Variants in CCDC34 observed in about 807,000 individuals in gnomAD.
The protein encoded by CCDC34 is coiled-coil domain containing 34.
In CCDC34, 40 loss-of-function variants were observed where a neutral mutation model predicts 44.1. That is an observed-to-expected ratio of 0.91 (90% CI 0.70 to 1.18). The LOEUF (loss-of-function observed/expected upper bound fraction) is 1.18, where lower values mean the gene tolerates loss of function less well. Among genes scored for constraint, CCDC34 ranks in the 50% most tolerant of loss-of-function variants. The pLI, the probability that CCDC34 is intolerant of heterozygous loss-of-function variation, is 0.00. For missense variants in CCDC34, 466 were observed against 452.3 expected (o/e 1.03, Z -0.28); for synonymous variants, 159 against 158.2 (o/e 1.01, Z -0.04).
intron 3 of CCDC34, among the ~76,000 whole-genome samples, chr11:27,347,113 G>A (rs1214591002): frequency 6.6e-6 from 1 of 152,096 alleles, no homozygotes; most frequent in Non-Finnish European, 1.5e-5. Context: ...ATGAAAATAC[G>A]CTAAACATCA....
intron 3 of CCDC34, chr11:27,348,878 C>G: frequency 1.0e-6 from 1 of 973,424 alleles, no homozygotes; most frequent in Non-Finnish European, 1.2e-6. Flanking sequence ...GTAAATATAA[C>G]GTCTCAGTTT....
rs545404507 is a variant in CCDC34 at position 27,352,364 on chromosome 11, C to T, written c.499-1925G>A. Among the ~76,000 whole-genome samples the T allele has an allele frequency of 2.1e-5, 3 of 145,358 alleles. No individual in the cohort carries two copies. In the East Asian group the frequency reaches 6.0e-4, roughly 29 times the overall value. On this transcript the variant is annotated intron_variant, in intron 2 of 5. Coordinates refer to ENST00000328697, the MANE Select transcript of CCDC34 (RefSeq NM_030771.2). ...TACCACTGTACTCCAGCCTGGGTGA[C>T]AAAGTGAGACTCCATCTCAAAAAAA... is the stretch of plus-strand genomic sequence containing the variant.
intron 2 of CCDC34, among the ~76,000 whole-genome samples, chr11:27,356,065 C>CTGGA (rs1862572601): frequency 8.3e-6 from 1 of 119,804 alleles, no homozygotes; most frequent in African/African-American, 3.2e-5. Flanking sequence ...GTTGGCCAGG[C>CTGGA]TGGAGTACAA....
intron 1 of CCDC34, among the ~76,000 whole-genome samples, chr11:27,358,391 G>A (rs905852297): frequency 6.6e-6 from 1 of 152,138 alleles, no homozygotes; most frequent in Non-Finnish European, 1.5e-5. Context: ...AGGACATAAG[G>A]TAGCTCTAAA....
At chr11:27,359,314 G>C (rs1862625255) in intron 1 of CCDC34, among the ~76,000 whole-genome samples, 1 of 151,904 alleles carries the variant, frequency 6.6e-6, no homozygotes, top group African/African-American at 2.4e-5. Context: ...CACTCACTAG[G>C]AACCCCTGCA....
In CCDC34 at chr11:27,341,537, CTTTCT is replaced by C; in HGVS notation, c.615_619del (p.Glu206ArgfsTer5). On this transcript the variant is annotated frameshift_variant, in exon 4 of 6. Coordinates refer to ENST00000328697, the MANE Select transcript of CCDC34 (RefSeq NM_030771.2). LOFTEE classifies it high-confidence loss of function. ...CATTTCTTTATTAATTTTTTGTTCT[CTTTCT>C]TTTCTTTTCTTAAATAAAAATAGAT... The C allele has an allele frequency of 6.9e-4, 877 of 1,266,140 alleles. No individual in the cohort carries two copies. The highest frequency in any genetic ancestry group is 8.5e-4 in the Non-Finnish European group (798 of 942,546). 78.4% of individuals were successfully genotyped at this position (1,266,140 alleles called of 1,614,324 possible).
chr11:27,349,028 AAC>A, intron 3 of CCDC34: 1 of 984,458 alleles, frequency 1.0e-6, no homozygotes, highest in Non-Finnish European at 1.2e-6. Context: ...CACTAATTAA[AAC>A]AGTGAATATA....
intron 1 of CCDC34, 68 bp downstream of exon 1, chr11:27,362,768 A>C: frequency 7.2e-6 from 11 of 1,526,082 alleles, no homozygotes; most frequent in African/African-American, 2.7e-5. Context: ...GGATGTTAGA[A>C]GGGGGTACTT....
intron 5 of CCDC34, among the ~76,000 whole-genome samples, chr11:27,340,044 C>T (rs1187054859): frequency 6.6e-6 from 1 of 151,852 alleles, no homozygotes; most frequent in Non-Finnish European, 1.5e-5. Context: ...ACACTGGCAA[C>T]CCACTTGGCA....
intron 2 of CCDC34, among the ~76,000 whole-genome samples, chr11:27,350,721 C>T (rs1862495315): frequency 6.6e-6 from 1 of 152,196 alleles, no homozygotes. Flanking sequence ...TTGAAATCAA[C>T]TTTCCCACAC....
intron 3 of CCDC34, among the ~76,000 whole-genome samples, chr11:27,342,058 G>T (rs986886109): frequency 6.6e-6 from 1 of 152,012 alleles, no homozygotes; most frequent in African/African-American, 2.4e-5. Context: ...CTTGCCTTCT[G>T]CCATGATTAT....
At chr11:27,362,016 T>C (rs1426123429) in intron 1 of CCDC34, among the ~76,000 whole-genome samples, 1 of 152,218 alleles carries the variant, frequency 6.6e-6, no homozygotes, top group Non-Finnish European at 1.5e-5. Context: ...ATGATCTGTC[T>C]ATCTTCGTAG....
chr11:27,346,885 G>A (rs1308719133), intron 3 of CCDC34, among the ~76,000 whole-genome samples: 4 of 152,160 alleles, frequency 2.6e-5, no homozygotes, highest in Non-Finnish European at 5.9e-5. Flanking sequence ...TACAAGAAGA[G>A]GAAGAGACAC....
At chr11:27,344,837 A>G (rs1256656817) in intron 3 of CCDC34, among the ~76,000 whole-genome samples, 1 of 152,118 alleles carries the variant, frequency 6.6e-6, no homozygotes, top group African/African-American at 2.4e-5. Context: ...AGGGAAATTG[A>G]TAAGATGATT....
At chr11:27,355,126 C>T (rs2133347720) in intron 2 of CCDC34, among the ~76,000 whole-genome samples, 1 of 152,246 alleles carries the variant, frequency 6.6e-6, no homozygotes, top group African/African-American at 2.4e-5. Flanking sequence ...CTTAATATAA[C>T]AAGTAACTTC....
chr11:27,340,990 T>C (rs1016728550), intron 4 of CCDC34, among the ~76,000 whole-genome samples, 153 bp from the exon 5 acceptor site: 1 of 152,130 alleles, frequency 6.6e-6, no homozygotes, highest in African/African-American at 2.4e-5. Flanking sequence ...GAGTAGAATA[T>C]TGAACATGAT....
At chr11:27,356,036 T>TTTTTTTTG (rs1862571049) in intron 2 of CCDC34, among the ~76,000 whole-genome samples, 2 of 140,492 alleles carry the variant, frequency 1.4e-5, no homozygotes, top group African/African-American at 5.5e-5. Context: ...TTTTTTTTTT[T>TTTTTTTTG]AGACAGAGTT....
intron 3 of CCDC34, among the ~76,000 whole-genome samples, chr11:27,344,118 C>T (rs1862400880): frequency 1.3e-5 from 2 of 152,074 alleles, no homozygotes; most frequent in Admixed American, 6.5e-5. Context: ...GTTAAAGATA[C>T]TCCATATTTT....
chr11:27,348,845 T>A (rs1192119736), intron 3 of CCDC34: 1 of 943,176 alleles, frequency 1.1e-6, no homozygotes, highest in African/African-American at 1.8e-5. Context: ...TTCCTTAACA[T>A]GAACAAGAGT....
Sources: gnomAD v4.1 joint callset for allele counts (sites outside exome capture counted in the v4.1 genomes callset) on GRCh38, gnomAD v4.1.1 for gene constraint, MANE v1.5 for transcripts, NCBI Gene and HGNC (gene_info 2026-07-23, HGNC 2026-07-21) for gene names.